The following FGF2 variants were observed in gnomAD, a reference collection of about 807,000 sequenced individuals.
The protein encoded by FGF2 is fibroblast growth factor 2.
Under a neutral mutation model 15.9 loss-of-function variants are expected in FGF2, and 13 were observed. That is an observed-to-expected ratio of 0.82 (90% confidence interval 0.53 to 1.30). The LOEUF is 1.30. Ranked by LOEUF, FGF2 falls within the 50% of genes most tolerant of loss-of-function variation. The pLI, the probability that FGF2 is intolerant of heterozygous loss-of-function variation, is 0.00. For synonymous variants in FGF2, 90 were observed against 78.4 expected (o/e 1.15, Z -0.78); for missense variants, 163 against 196.9 (o/e 0.83, Z 1.03).
chr4:122,829,499 T>G (rs1725715855), intron 1 of FGF2, among the ~76,000 whole-genome samples: 1 of 152,190 alleles, frequency 6.6e-6, no homozygotes, highest in Non-Finnish European at 1.5e-5. Flanking sequence ...GGACAAGACA[T>G]TAAAAGGGAA....
At chr4:122,869,435 C>T (rs909862152) in intron 1 of FGF2, among the ~76,000 whole-genome samples, 19 of 152,102 alleles carry the variant, frequency 1.2e-4, no homozygotes, top group African/African-American at 4.6e-4. Flanking sequence ...GCAGTATGTC[C>T]ATTTTCACGA....
intron 1 of FGF2, among the ~76,000 whole-genome samples, chr4:122,835,559 C>T (rs1725850400): frequency 6.6e-6 from 1 of 152,138 alleles, no homozygotes; most frequent in Non-Finnish European, 1.5e-5. Flanking sequence ...AGCACCCTTT[C>T]CTCCTGAATT....
chr4:122,844,571 T>C (rs10155176), intron 1 of FGF2, among the ~76,000 whole-genome samples: 2,161 of 127,948 alleles, frequency 0.017, 52 homozygotes, highest in Admixed American at 0.061. Flanking sequence ...CTTTCTTTCT[T>C]TTTCTTTCTT....
intron 2 of FGF2, among the ~76,000 whole-genome samples, chr4:122,885,761 A>T (rs1180932518): frequency 6.6e-6 from 1 of 152,040 alleles, no homozygotes; most frequent in African/African-American, 2.4e-5. Flanking sequence ...TTTCTGTTCC[A>T]GGATACCATA....
chr4:122,835,560 C>T (rs941172691), intron 1 of FGF2, among the ~76,000 whole-genome samples: 1 of 152,110 alleles, frequency 6.6e-6, no homozygotes, highest in African/African-American at 2.4e-5. Context: ...GCACCCTTTC[C>T]TCCTGAATTT....
Position 122,827,073 on chromosome 4 carries a change from C to T in FGF2, c.-102C>T. On this transcript the variant is annotated 5_prime_UTR_variant, in exon 1 of 3. Coordinates refer to ENST00000644866, the MANE Select transcript of FGF2 (RefSeq NM_001361665.2). This position sits in a 1 kb window ranked among gnomAD's most constrained non-coding sequence, Gnocchi z 4.2. ...GAGGCTGGGGGGCCGGGGCCGGGGC[C>T]GTGCCCCGGAGCGGGTCGGAGGCCG... 1.8e-6 allele frequency: 2 copies of T among 1,125,314 alleles called. No individual in the cohort carries two copies. The highest frequency in any genetic ancestry group is 4.3e-5 in the South Asian group (1 of 23,438). 69.7% of individuals were successfully genotyped at this position (1,125,314 alleles called of 1,614,324 possible). A position where few individuals can be genotyped will look rare whatever the true frequency, so the allele number is the denominator to read the frequency against.
chr4:122,889,028 A>T (rs1349493713), intron 2 of FGF2: 1 of 152,118 alleles, frequency 6.6e-6, no homozygotes, highest in Non-Finnish European at 1.5e-5. Flanking sequence ...GTACCTCTAA[A>T]TTATTCTTCA....
At position 122,834,570 on chromosome 4, in the gene FGF2, A is replaced by G. The variant is rs13119363; in HGVS notation, c.178+7218A>G. Among the ~76,000 whole-genome samples, 399 of 152,204 alleles carry G rather than the reference A, an allele frequency of 2.6e-3. 4 individuals carry two copies. The highest frequency in any genetic ancestry group is 4.5e-3 in the Non-Finnish European group (308 of 68,018). ...AGTATTGTCTGCCTCTGACTTCTTGATAATTCCTTGGCTTCTATTACATCA... is the reference window on the plus strand; with the variant it reads ...AGTATTGTCTGCCTCTGACTTCTTGGTAATTCCTTGGCTTCTATTACATCA... On this transcript the variant is annotated intron_variant, in intron 1 of 2. Transcript: ENST00000644866.
intron 1 of FGF2, among the ~76,000 whole-genome samples, chr4:122,865,552 T>C (rs115528871): frequency 0.014 from 2,174 of 152,296 alleles, 56 homozygotes; most frequent in African/African-American, 0.049. Context: ...CCCAAAGTAC[T>C]GAGATTATAG....
At chr4:122,840,882 G>A (rs1725969907) in intron 1 of FGF2, among the ~76,000 whole-genome samples, 1 of 152,186 alleles carries the variant, frequency 6.6e-6, no homozygotes, top group East Asian at 1.9e-4. Flanking sequence ...ACCAGCAGAT[G>A]TGTGGTTGTC....
intron 1 of FGF2, among the ~76,000 whole-genome samples, chr4:122,857,220 CT>C (rs55890430): frequency 0.036 from 5,513 of 152,264 alleles, 180 homozygotes; most frequent in African/African-American, 0.081. Flanking sequence ...CATTTCTAGC[CT>C]TTCCGTGATG....
chr4:122,828,794 T>TAA (rs1335014183), intron 1 of FGF2, among the ~76,000 whole-genome samples: 12 of 152,190 alleles, frequency 7.9e-5, no homozygotes, highest in Admixed American at 7.9e-4. Context: ...TGTAACCTAT[T>TAA]AGATGGGTTA....
At chr4:122,858,209 T>C (rs1726378558) in intron 1 of FGF2, among the ~76,000 whole-genome samples, 1 of 152,162 alleles carries the variant, frequency 6.6e-6, no homozygotes, top group Non-Finnish European at 1.5e-5. Flanking sequence ...TTTGGGCTTC[T>C]GGGATGATAT....
chr4:122,839,035 G>A (rs528157848), intron 1 of FGF2, among the ~76,000 whole-genome samples: 9 of 152,268 alleles, frequency 5.9e-5, no homozygotes, highest in Middle Eastern at 3.4e-3. Context: ...GTAATGTGCT[G>A]TACAGGTTTG....
intron 1 of FGF2, among the ~76,000 whole-genome samples, chr4:122,846,311 G>T (rs1285281733): frequency 6.6e-6 from 1 of 152,180 alleles, no homozygotes; most frequent in African/African-American, 2.4e-5. Context: ...ACCCAAATGT[G>T]AGACAGACAT....
At chr4:122,870,738 A>C (rs961588713) in intron 1 of FGF2, among the ~76,000 whole-genome samples, 6 of 151,822 alleles carry the variant, frequency 4.0e-5, no homozygotes, top group African/African-American at 1.5e-4. Context: ...TAGTCTACCT[A>C]GTGGTCTAAT....
Position 122,827,339 on chromosome 4 carries a change from G to C in FGF2, c.165G>C (p.Lys55Asn). Residue 55 changes from lysine (K) to asparagine (N), a missense_variant, in exon 1 of 3, where the codon AAG becomes AAC. Coordinates refer to ENST00000644866, the MANE Select transcript of FGF2 (RefSeq NM_001361665.2). The surrounding 1 kb of genome is among the most constrained non-coding windows in gnomAD (Gnocchi z 4.2). Reference protein sequence around the residue: ...PDGRVDGVREKSDPHIKLQLQ... With the variant: ...PDGRVDGVRENSDPHIKLQLQ... ...GCCGAGTTGACGGGGTCCGGGAGAAGAGCGACCCTCACAGTGAGTGCCGAC... is the reference window on the plus strand; with the variant it reads ...GCCGAGTTGACGGGGTCCGGGAGAACAGCGACCCTCACAGTGAGTGCCGAC... 2 of 1,612,980 alleles carry C rather than the reference G, an allele frequency of 1.2e-6. No individual in the cohort carries two copies. The highest frequency in any genetic ancestry group is 8.5e-7 in the Non-Finnish European group (1 of 1,179,928).
At chr4:122,846,855 G>T (rs1347055670) in intron 1 of FGF2, among the ~76,000 whole-genome samples, 4 of 152,220 alleles carry the variant, frequency 2.6e-5, no homozygotes, top group African/African-American at 9.7e-5. Context: ...GAGAGAGATA[G>T]GATAGCAGCC....
chr4:122,871,970 A>G (rs1349170322), intron 1 of FGF2, among the ~76,000 whole-genome samples: 1 of 152,170 alleles, frequency 6.6e-6, no homozygotes, highest in Non-Finnish European at 1.5e-5. Flanking sequence ...CTTCTCCTCC[A>G]AATGATCGCA....
Sources: gnomAD v4.1 joint callset for allele counts (sites outside exome capture counted in the v4.1 genomes callset) on GRCh38, gnomAD v4.1.1 for gene constraint, Gnocchi (gnomAD v3.1) non-coding constraint, MANE v1.5 for transcripts, NCBI Gene and HGNC (gene_info 2026-07-23, HGNC 2026-07-21) for gene names.